DSCAM: variants seen among roughly 807,000 people sequenced by gnomAD.
The protein encoded by DSCAM is DS cell adhesion molecule, also known as cell adhesion molecule DSCAM.
Under a neutral mutation model 217.7 loss-of-function variants are expected in DSCAM, and 47 were observed. The observed-to-expected ratio is 0.22, with a 90% CI of 0.17 to 0.28. The LOEUF (loss-of-function observed/expected upper bound fraction) is 0.28. Ranked by LOEUF, DSCAM falls within the 10% of genes least tolerant of loss-of-function variation. The pLI, the probability that DSCAM is intolerant of heterozygous loss-of-function variation, is 1.00. For missense variants in DSCAM, 2,080 were observed against 2,618.3 expected (o/e 0.79, Z 4.49); for synonymous variants, 1,056 against 1,015.3 (o/e 1.04, Z -0.76).
chr21:40,121,077 G>GA (rs561074767), intron 20 of DSCAM, among the ~76,000 whole-genome samples: 76 of 151,130 alleles, frequency 5.0e-4, no homozygotes, highest in African/African-American at 9.7e-4. Context: ...TCATTTCAAA[G>GA]AAAAAAAAAT....
At chr21:40,574,473 A>G (rs957464686) in intron 3 of DSCAM, among the ~76,000 whole-genome samples, 1 of 152,220 alleles carries the variant, frequency 6.6e-6, no homozygotes, top group South Asian at 2.1e-4. Flanking sequence ...AACTTTCACA[A>G]TCTGATAAAG....
intron 11 of DSCAM, among the ~76,000 whole-genome samples, chr21:40,237,146 T>G (rs111412272): frequency 5.9e-4 from 90 of 152,288 alleles, no homozygotes; most frequent in African/African-American, 2.1e-3. Context: ...TCTCTTACAG[T>G]TTTGGAGATG....
intron 3 of DSCAM, among the ~76,000 whole-genome samples, chr21:40,590,464 C>T (rs1315914764): frequency 2.6e-5 from 4 of 152,198 alleles, no homozygotes; most frequent in African/African-American, 9.6e-5. Flanking sequence ...GTTGATTAAA[C>T]TCTCTGACTT....
chr21:40,496,335 C>A (rs2410253), intron 3 of DSCAM, among the ~76,000 whole-genome samples: 149,087 of 152,258 alleles, frequency 0.98, 73,004 homozygotes, highest in East Asian at 1. Context: ...AGACCAGTTG[C>A]ACAGAATACA....
At chr21:40,767,200 T>C (rs1393712549) in intron 1 of DSCAM, among the ~76,000 whole-genome samples, 1 of 152,188 alleles carries the variant, frequency 6.6e-6, no homozygotes, top group Non-Finnish European at 1.5e-5. Flanking sequence ...AGTTTCACTC[T>C]GAGAAAACCA....
intron 1 of DSCAM, among the ~76,000 whole-genome samples, chr21:40,727,688 TC>T (rs1045591164): frequency 6.6e-6 from 1 of 152,062 alleles, no homozygotes; most frequent in Admixed American, 6.5e-5. Flanking sequence ...TCTACCCTGG[TC>T]CCCTACACAC....
At chr21:40,109,904 A>G (rs1035306078) in intron 20 of DSCAM, among the ~76,000 whole-genome samples, 12 of 152,198 alleles carry the variant, frequency 7.9e-5, no homozygotes, top group African/African-American at 2.9e-4. Context: ...TTGAGTAGGT[A>G]AACAAAGTGG....
chr21:40,648,401 G>A lies in DSCAM; in HGVS notation c.508+44409C>T, dbSNP rs5005395. Among the ~76,000 whole-genome samples, 1,038 of 152,116 alleles carry A rather than the reference G, an allele frequency of 6.8e-3. 15 individuals are homozygous for A. The highest frequency in any genetic ancestry group is 0.023 in the African/African-American group (966 of 41,468). On this transcript the variant is annotated intron_variant, in intron 3 of 32. Transcript: ENST00000400454. Reference sequence around the variant, plus strand: ...GTTTGGGCAGATGTCCCAAGCTGACGTCCGTGGCTGAGCTGTTGATAGTGG... The same window carrying A: ...GTTTGGGCAGATGTCCCAAGCTGACATCCGTGGCTGAGCTGTTGATAGTGG...
intron 3 of DSCAM, among the ~76,000 whole-genome samples, chr21:40,666,901 G>C (rs2178847): frequency 0.42 from 63,211 of 152,072 alleles, 13,950 homozygotes; most frequent in East Asian, 0.58. Flanking sequence ...TGCTTCCTTG[G>C]TTGGCTTTAT....
chr21:40,595,870 T>C (rs2077017767), intron 3 of DSCAM, among the ~76,000 whole-genome samples: 1 of 152,224 alleles, frequency 6.6e-6, no homozygotes, highest in East Asian at 1.9e-4. Flanking sequence ...AGTAAAAGTT[T>C]TGACCTGAAT....
chr21:40,672,977 A>G (rs73905048), intron 3 of DSCAM, among the ~76,000 whole-genome samples: 2,493 of 152,274 alleles, frequency 0.016, 56 homozygotes, highest in African/African-American at 0.055. Context: ...CAGCAGTCAC[A>G]TCAATCCCCA....
At chr21:40,509,114 T>C (rs1004471331) in intron 3 of DSCAM, among the ~76,000 whole-genome samples, 1 of 152,086 alleles carries the variant, frequency 6.6e-6, no homozygotes, top group African/African-American at 2.4e-5. Flanking sequence ...ACTTGTGCAG[T>C]TGGTTTTTTT....
chr21:40,683,848 C>T (rs1212565488), intron 3 of DSCAM, among the ~76,000 whole-genome samples: 1 of 152,068 alleles, frequency 6.6e-6, no homozygotes, highest in African/African-American at 2.4e-5. Flanking sequence ...CTCCAGGATG[C>T]TGAGAAAAAG....
intron 11 of DSCAM, among the ~76,000 whole-genome samples, chr21:40,190,403 T>G (rs1228850903): frequency 6.6e-6 from 1 of 152,130 alleles, no homozygotes; most frequent in Non-Finnish European, 1.5e-5. Flanking sequence ...TGGCGGTGCT[T>G]TGACTACCTG....
chr21:40,805,532 A>T (rs2123516650), intron 1 of DSCAM, among the ~76,000 whole-genome samples: 1 of 152,088 alleles, frequency 6.6e-6, no homozygotes, highest in South Asian at 2.1e-4. Flanking sequence ...TTGGTCAACC[A>T]AAGTTTCCTT....
intron 3 of DSCAM, among the ~76,000 whole-genome samples, chr21:40,534,022 C>T (rs952351915): frequency 7.9e-5 from 12 of 152,144 alleles, no homozygotes; most frequent in African/African-American, 2.7e-4. Context: ...GATAAATCTG[C>T]ATCTACTTTA....
intron 11 of DSCAM, among the ~76,000 whole-genome samples, chr21:40,215,707 T>C (rs2091236740): frequency 6.6e-6 from 1 of 152,116 alleles, no homozygotes; most frequent in Admixed American, 6.5e-5. Context: ...TGTATACTAT[T>C]TGGGTGATGC....
chr21:40,782,246 A>C (rs1238526729), intron 1 of DSCAM, among the ~76,000 whole-genome samples: 1 of 152,006 alleles, frequency 6.6e-6, no homozygotes, highest in African/African-American at 2.4e-5. Context: ...TCCAAGCCCA[A>C]CTCCAATGGT....
chr21:40,567,148 T>G (rs1480628430), intron 3 of DSCAM, among the ~76,000 whole-genome samples: 3 of 152,212 alleles, frequency 2.0e-5, no homozygotes, highest in Non-Finnish European at 2.9e-5. Context: ...ACATATGTTT[T>G]TCCTTCTGAT....
Sources: gnomAD v4.1 joint callset for allele counts (sites outside exome capture counted in the v4.1 genomes callset) on GRCh38, gnomAD v4.1.1 for gene constraint, MANE v1.5 for transcripts, NCBI Gene and HGNC (gene_info 2026-07-23, HGNC 2026-07-21) for gene names.